Variants in KAZN observed in about 807,000 individuals in gnomAD.
KAZN encodes the protein kazrin, periplakin interacting protein.
Under a neutral mutation model 87.4 loss-of-function variants are expected in KAZN, and 40 were observed. The ratio of observed to expected loss-of-function variants is 0.46; its 90% CI spans 0.36 to 0.60. The LOEUF is 0.60. KAZN is among the 20% of genes least tolerant of loss of function. The pLI, the probability that KAZN is intolerant of heterozygous loss-of-function variation, is 0.00. For synonymous variants in KAZN, 466 were observed against 458.3 expected, an observed-to-expected ratio of 1.02 and a Z score of -0.22; for missense variants, 898 against 1,073.9, an observed-to-expected ratio of 0.84 and a Z score of 2.29.
intron 1 of KAZN, among the ~76,000 whole-genome samples, chr1:14,662,964 C>CACATATATAT: frequency 7.8e-6 from 1 of 127,962 alleles, no homozygotes; most frequent in South Asian, 2.6e-4. Flanking sequence ...TATATGCACA[C>CACATATATAT]ATATATATAT....
chr1:14,196,318 C>T (rs1646524971), intron 2 of KAZN, among the ~76,000 whole-genome samples: 1 of 152,036 alleles, frequency 6.6e-6, no homozygotes, highest in African/African-American at 2.4e-5. Flanking sequence ...ATTAAATATT[C>T]CAAAAGAGTA....
intron 2 of KAZN, among the ~76,000 whole-genome samples, chr1:14,385,072 C>A (rs1419524764): frequency 3.3e-5 from 5 of 151,628 alleles, no homozygotes; most frequent in Non-Finnish European, 7.4e-5. Context: ...GGAATTTATC[C>A]ATTTCTTCTA....
intron 1 of KAZN, among the ~76,000 whole-genome samples, chr1:13,965,201 T>G (rs1283939644): frequency 2.0e-5 from 3 of 151,912 alleles, no homozygotes; most frequent in Non-Finnish European, 4.4e-5. Context: ...TAACTTGCAG[T>G]TTTAAAAGAT....
intron 2 of KAZN, among the ~76,000 whole-genome samples, chr1:14,504,079 G>A (rs1391622808): frequency 1.3e-5 from 2 of 152,152 alleles, no homozygotes; most frequent in African/African-American, 4.8e-5. Flanking sequence ...CGCTTTGATT[G>A]ACTCACTCTA....
At chr1:14,914,305 G>A (rs1320053953) in intron 1 of KAZN, among the ~76,000 whole-genome samples, 1 of 152,132 alleles carries the variant, frequency 6.6e-6, no homozygotes, top group African/African-American at 2.4e-5. Flanking sequence ...TACCCCCCTG[G>A]GCAAGTGTCT....
chr1:14,548,045 A>C (rs1164760093), intron 2 of KAZN, among the ~76,000 whole-genome samples: 2 of 151,962 alleles, frequency 1.3e-5, no homozygotes, highest in Admixed American at 1.3e-4. Context: ...TAAAAAAAAA[A>C]AAAAAAAATT....
chr1:14,755,779 T>G (rs1250758369), intron 1 of KAZN, among the ~76,000 whole-genome samples: 1 of 152,134 alleles, frequency 6.6e-6, no homozygotes, highest in Non-Finnish European at 1.5e-5. Flanking sequence ...AGCCTCCAAT[T>G]AAGAGCCGGG....
chr1:14,199,491 C>T (rs1363435299), intron 2 of KAZN, among the ~76,000 whole-genome samples: 1 of 152,200 alleles, frequency 6.6e-6, no homozygotes, highest in Non-Finnish European at 1.5e-5. Context: ...CATTCCCCAC[C>T]CTCCAAAACT....
intron 1 of KAZN, among the ~76,000 whole-genome samples, chr1:14,813,313 G>T (rs1015781146): frequency 3.3e-5 from 5 of 152,218 alleles, no homozygotes; most frequent in Non-Finnish European, 5.9e-5. Flanking sequence ...GACTTCTGAA[G>T]CTAGGTCACA....
chr1:14,119,982 T>C (rs1644715627), intron 1 of KAZN, among the ~76,000 whole-genome samples: 2 of 152,024 alleles, frequency 1.3e-5, no homozygotes, highest in African/African-American at 4.8e-5. Flanking sequence ...GAGGCACAGA[T>C]GGGGTAAGTA....
chr1:14,091,134 G>C (rs963053911), intron 1 of KAZN, among the ~76,000 whole-genome samples: 6 of 118,412 alleles, frequency 5.1e-5, no homozygotes, highest in Admixed American at 1.7e-4. Flanking sequence ...AAAAAAAAAA[G>C]ACTAGAGGAA....
intron 2 of KAZN, among the ~76,000 whole-genome samples, chr1:14,579,731 C>T (rs1304343157): frequency 6.6e-6 from 1 of 151,862 alleles, no homozygotes; most frequent in Admixed American, 6.6e-5. Flanking sequence ...TGATTCAGAA[C>T]GAACGGGAAC....
intron 1 of KAZN, among the ~76,000 whole-genome samples, chr1:14,851,061 C>T (rs780950699): frequency 5.3e-5 from 8 of 152,186 alleles, no homozygotes; most frequent in Non-Finnish European, 1.0e-4. Flanking sequence ...CCAGCTATGC[C>T]TTTGTCGGGT....
chr1:14,590,952 C>G (rs910391474), intron 2 of KAZN, among the ~76,000 whole-genome samples: 1 of 152,158 alleles, frequency 6.6e-6, no homozygotes, highest in African/African-American at 2.4e-5. Flanking sequence ...TGCATTGGAG[C>G]TACCCCTCCC....
chr1:14,391,121 G>C (rs1450719127), intron 2 of KAZN, among the ~76,000 whole-genome samples: 1 of 152,158 alleles, frequency 6.6e-6, no homozygotes, highest in Non-Finnish European at 1.5e-5. Flanking sequence ...GGCCACTTAG[G>C]AGGCAATTAT....
chr1:14,074,054 C>T (rs1643349887), intron 1 of KAZN, among the ~76,000 whole-genome samples: 1 of 152,182 alleles, frequency 6.6e-6, no homozygotes, highest in African/African-American at 2.4e-5. Flanking sequence ...TCAAACTACA[C>T]ACCCCTAACA....
At chr1:14,116,773 G>A (rs920929387) in intron 1 of KAZN, among the ~76,000 whole-genome samples, 2 of 152,232 alleles carry the variant, frequency 1.3e-5, no homozygotes, top group Admixed American at 6.5e-5. Flanking sequence ...GCCTGTGAAA[G>A]CAGCCAGGAG....
At chr1:14,239,677 C>A (rs1648764368) in intron 2 of KAZN, among the ~76,000 whole-genome samples, 2 of 151,790 alleles carry the variant, frequency 1.3e-5, no homozygotes, top group Admixed American at 1.3e-4. Flanking sequence ...TCAGGCTGGT[C>A]TCGAACTCCC....
chr1:14,003,606 C>T (rs1228519119), intron 1 of KAZN, among the ~76,000 whole-genome samples: 1 of 152,022 alleles, frequency 6.6e-6, no homozygotes, highest in East Asian at 1.9e-4. Context: ...TTTGTAAGAC[C>T]ACACACTGCA....
Sources: gnomAD v4.1 joint callset for allele counts (sites outside exome capture counted in the v4.1 genomes callset) on GRCh38, gnomAD v4.1.1 for gene constraint, MANE v1.5 for transcripts, NCBI Gene and HGNC (gene_info 2026-07-23, HGNC 2026-07-21) for gene names.